The following SYT9 variants were observed in gnomAD, a reference collection of about 807,000 sequenced individuals.
SYT9 encodes synaptotagmin-9.
In SYT9, 22 loss-of-function variants were observed where a neutral mutation model predicts 48.4. The observed-to-expected ratio is 0.45, with a 90% CI of 0.32 to 0.65. The LOEUF (loss-of-function observed/expected upper bound fraction) is 0.65, where lower values mean the gene tolerates loss of function less well. Ranked by LOEUF, SYT9 falls within the 30% of genes least tolerant of loss-of-function variation. SYT9 has a pLI of 0.03. For missense variants in SYT9, 577 were observed against 622.0 expected (o/e 0.93, Z 0.77); for synonymous variants, 265 against 245.0 (o/e 1.08, Z -0.76).
intron 3 of SYT9, among the ~76,000 whole-genome samples, chr11:7,375,727 G>C (rs1413685636): frequency 6.6e-6 from 1 of 152,068 alleles, no homozygotes; most frequent in East Asian, 1.9e-4. Flanking sequence ...TCTATTATTG[G>C]TGTATATGAA....
chr11:7,404,019 T>C (rs1014742732), intron 3 of SYT9, among the ~76,000 whole-genome samples: 31 of 152,214 alleles, frequency 2.0e-4, no homozygotes, highest in Non-Finnish European at 4.0e-4. Flanking sequence ...CATAATGTAA[T>C]AGCTCTATTT....
At chr11:7,238,918 T>A (rs1005988034) in intron 1 of SYT9, 5 of 455,834 alleles carry the variant, frequency 1.1e-5, no homozygotes, top group Admixed American at 4.7e-5. Context: ...GAGGCAGAGG[T>A]AAAGTTGCTA....
chr11:7,288,595 G>A (rs1236493081), intron 1 of SYT9, among the ~76,000 whole-genome samples: 2 of 151,488 alleles, frequency 1.3e-5, no homozygotes, highest in Non-Finnish European at 2.9e-5. Flanking sequence ...TGGGGATATG[G>A]TGGAGAATAA....
At chr11:7,440,616 A>C (rs1847813019) in intron 6 of SYT9, 1 of 152,232 alleles carries the variant, frequency 6.6e-6, no homozygotes, top group South Asian at 2.1e-4. Context: ...ACAATGAAAG[A>C]TGTGAGAATA....
rs549785796 is a variant in SYT9 at position 7,242,616 on chromosome 11, A to G, written c.49+3700A>G. On this transcript the variant is annotated intron_variant and NMD_transcript_variant, in intron 1 of 8. Coordinates refer to the SYT9 transcript ENST00000524820. The stretch of plus-strand genomic sequence containing the variant: ...TTTAACTTTGAAATAGACCTCTAGG[A>G]TTCTAAATTCCACTTTGTTTCCCAA... 1.2e-4 allele frequency among the ~76,000 whole-genome samples: 18 copies of G among 152,372 alleles called. 1 individual carries two copies. In the South Asian group the frequency reaches 3.5e-3, roughly 30 times the overall value.
intron 3 of SYT9, among the ~76,000 whole-genome samples, chr11:7,338,119 T>G (rs754838964): frequency 8.5e-5 from 13 of 152,172 alleles, no homozygotes; most frequent in Non-Finnish European, 1.9e-4. Flanking sequence ...GACTTATCTA[T>G]CTCTTCTAGG....
At chr11:7,291,499 C>T (rs1322916754) in intron 1 of SYT9, among the ~76,000 whole-genome samples, 1 of 152,148 alleles carries the variant, frequency 6.6e-6, no homozygotes, top group Non-Finnish European at 1.5e-5. Flanking sequence ...CCTGCAGATA[C>T]TCACACACAA....
intron 1 of SYT9, among the ~76,000 whole-genome samples, chr11:7,273,386 G>A (rs946116911): frequency 6.6e-6 from 1 of 151,544 alleles, no homozygotes; most frequent in Non-Finnish European, 1.5e-5. Flanking sequence ...TCTTCTGAAT[G>A]TCCTTACATT....
intron 3 of SYT9, among the ~76,000 whole-genome samples, chr11:7,385,630 C>T (rs1381879516): frequency 6.6e-6 from 1 of 152,034 alleles, no homozygotes; most frequent in African/African-American, 2.4e-5. Context: ...CAAACCTGCA[C>T]ATGTACCCCT....
chr11:7,401,067 A>C (rs1846881278), intron 3 of SYT9, among the ~76,000 whole-genome samples: 1 of 152,064 alleles, frequency 6.6e-6, no homozygotes, highest in South Asian at 2.1e-4. Flanking sequence ...AGTAACGTAA[A>C]TTTATAGTCA....
upstream of SYT9, among the ~76,000 whole-genome samples, chr11:7,251,568 T>C (rs950760452): frequency 1.3e-5 from 2 of 152,216 alleles, no homozygotes; most frequent in African/African-American, 2.4e-5. Context: ...GTTCTGCGCA[T>C]CTGGCGGGTG....
intron 6 of SYT9, among the ~76,000 whole-genome samples, chr11:7,436,605 G>A (rs922654629): frequency 5.9e-5 from 9 of 151,952 alleles, no homozygotes; most frequent in African/African-American, 2.2e-4. Flanking sequence ...TAATACAGTG[G>A]TGTCCAGTTG....
At chr11:7,381,793 T>C (rs1163444250) in intron 3 of SYT9, among the ~76,000 whole-genome samples, 1 of 152,178 alleles carries the variant, frequency 6.6e-6, no homozygotes, top group African/African-American at 2.4e-5. Flanking sequence ...TTACACTTAC[T>C]GTCATTAAAT....
chr11:7,308,304 C>T (rs1849069048), intron 2 of SYT9, among the ~76,000 whole-genome samples: 1 of 152,138 alleles, frequency 6.6e-6, no homozygotes, highest in East Asian at 1.9e-4. Flanking sequence ...TGCCCGAGAA[C>T]CAGGGAAAGG....
At chr11:7,424,612 C>G (rs886095087) in intron 6 of SYT9, among the ~76,000 whole-genome samples, 1 of 152,086 alleles carries the variant, frequency 6.6e-6, no homozygotes, top group African/African-American at 2.4e-5. Flanking sequence ...GGTGGGAAGA[C>G]GAGACACAGA....
At chr11:7,348,365 A>G (rs1286333266) in intron 3 of SYT9, among the ~76,000 whole-genome samples, 1 of 152,202 alleles carries the variant, frequency 6.6e-6, no homozygotes, top group Non-Finnish European at 1.5e-5. Flanking sequence ...GAGGCATTAG[A>G]GAATCTAATC....
At chr11:7,332,039 T>G (rs886651958) in intron 3 of SYT9, among the ~76,000 whole-genome samples, 1 of 152,170 alleles carries the variant, frequency 6.6e-6, no homozygotes, top group Admixed American at 6.5e-5. Context: ...AATTTGGAAT[T>G]CCTGGAAGCA....
intron 5 of SYT9, among the ~76,000 whole-genome samples, chr11:7,420,255 T>C (rs1847325471): frequency 2.0e-5 from 3 of 152,162 alleles, no homozygotes; most frequent in Admixed American, 2.0e-4. Context: ...GCACAAATCG[T>C]GGGGTTCTTT....
chr11:7,339,415 G>A (rs764947381), intron 3 of SYT9, among the ~76,000 whole-genome samples: 1 of 152,166 alleles, frequency 6.6e-6, no homozygotes, highest in African/African-American at 2.4e-5. Context: ...TGGTTGTTAC[G>A]CCAGCTTGTT....
Sources: gnomAD v4.1 joint callset for allele counts (sites outside exome capture counted in the v4.1 genomes callset) on GRCh38, gnomAD v4.1.1 for gene constraint, MANE v1.5 for transcripts, NCBI Gene and HGNC (gene_info 2026-07-23, HGNC 2026-07-21) for gene names.